FOXP1: variants seen among roughly 807,000 people sequenced by gnomAD.
FOXP1 encodes the protein forkhead box P1.
Under a neutral mutation model 98.2 loss-of-function variants are expected in FOXP1, and 15 were observed. The observed-to-expected ratio is 0.15, with a 90% confidence interval of 0.10 to 0.24. FOXP1 has a LOEUF of 0.24. FOXP1 is among the 10% of genes least tolerant of loss of function. FOXP1 has a pLI of 1.00. For synonymous variants in FOXP1, 371 were observed against 314.5 expected (o/e 1.18, Z -1.90); for missense variants, 633 against 848.5 (o/e 0.75, Z 3.15).
At chr3:71,536,800 T>A (rs1282530876) in intron 2 of FOXP1, among the ~76,000 whole-genome samples, 3 of 152,088 alleles carry the variant, frequency 2.0e-5, no homozygotes, top group South Asian at 2.1e-4. Flanking sequence ...AAATCCAACA[T>A]GATGATCGTT....
intron 2 of FOXP1, chr3:71,572,266 T>C (rs182077130): frequency 6.6e-6 from 1 of 152,262 alleles, no homozygotes; most frequent in Admixed American, 6.5e-5. Context: ...AATTCCCTGA[T>C]AAATGGTTGA....
chr3:71,192,624 G>T (rs770907089), intron 6 of FOXP1, among the ~76,000 whole-genome samples: 2 of 152,208 alleles, frequency 1.3e-5, no homozygotes, highest in East Asian at 1.9e-4. Flanking sequence ...TGAATGTGAA[G>T]AAAATAATTT....
intron 2 of FOXP1, among the ~76,000 whole-genome samples, chr3:71,536,573 CTTTTTT>C (rs3039465): frequency 1.5e-5 from 2 of 135,012 alleles, no homozygotes; most frequent in East Asian, 2.2e-4. Context: ...AACCATGTCT[CTTTTTT>C]TTTTTTTTTT....
intron 5 of FOXP1, among the ~76,000 whole-genome samples, chr3:71,209,676 G>A (rs575418515): frequency 1.2e-4 from 19 of 152,240 alleles, no homozygotes; most frequent in African/African-American, 3.4e-4. Context: ...AAGAAGAAAC[G>A]TTTAATCTCT....
intron 3 of FOXP1, among the ~76,000 whole-genome samples, chr3:71,362,854 T>A (rs981934587): frequency 2.0e-5 from 3 of 152,242 alleles, no homozygotes. Flanking sequence ...CAAACTTTGA[T>A]CTTTGATTAG....
intron 4 of FOXP1, chr3:71,334,623 T>C (rs917828970): frequency 1.3e-5 from 2 of 152,270 alleles, no homozygotes; most frequent in East Asian, 1.9e-4. Flanking sequence ...AGACTTATTA[T>C]GCCAGAAGAA....
At chr3:71,020,876 G>A (rs908801743) in intron 11 of FOXP1, among the ~76,000 whole-genome samples, 1 of 152,020 alleles carries the variant, frequency 6.6e-6, no homozygotes, top group Non-Finnish European at 1.5e-5. Flanking sequence ...ACGTACATCT[G>A]TGCCCATTAC....
At chr3:71,527,392 G>A (rs1017638553) in intron 2 of FOXP1, among the ~76,000 whole-genome samples, 6 of 152,220 alleles carry the variant, frequency 3.9e-5, no homozygotes, top group African/African-American at 9.7e-5. Context: ...AGACTGGAAG[G>A]GGTCCTGTGA....
At chr3:71,308,642 C>T (rs2074450313) in intron 4 of FOXP1, among the ~76,000 whole-genome samples, 3 of 151,948 alleles carry the variant, frequency 2.0e-5, no homozygotes, top group Middle Eastern at 3.4e-3. Flanking sequence ...AATAAACTGT[C>T]GCCCAAGGAT....
intron 5 of FOXP1, among the ~76,000 whole-genome samples, chr3:71,198,897 C>T (rs1244579308): frequency 2.6e-5 from 4 of 151,820 alleles, no homozygotes; most frequent in Non-Finnish European, 5.9e-5. Context: ...GGTGTTTCAC[C>T]ATGTTGGTTA....
intron 5 of FOXP1, among the ~76,000 whole-genome samples, chr3:71,242,841 C>G (rs1259693218): frequency 6.7e-6 from 1 of 150,232 alleles, no homozygotes; most frequent in East Asian, 1.9e-4. Flanking sequence ...ATTATCTAAA[C>G]AGTGTTCAAA....
chr3:71,439,982 T>A (rs1327508973), intron 3 of FOXP1, among the ~76,000 whole-genome samples: 1 of 148,682 alleles, frequency 6.7e-6, no homozygotes, highest in African/African-American at 2.5e-5. Flanking sequence ...AAGTTCTGAA[T>A]CCTGCTGTAA....
chr3:71,001,454 A>C (rs1204789607), intron 12 of FOXP1, among the ~76,000 whole-genome samples: 2 of 152,202 alleles, frequency 1.3e-5, no homozygotes, highest in Non-Finnish European at 2.9e-5. Context: ...AGGAAAACTG[A>C]CTTCATATAA....
chr3:71,500,933 G>A (rs1458966152), intron 2 of FOXP1, among the ~76,000 whole-genome samples: 7 of 152,252 alleles, frequency 4.6e-5, no homozygotes, highest in East Asian at 1.9e-4. Flanking sequence ...GGCTCACATC[G>A]TTAATTTCAG....
At chr3:71,036,021 AAGTTCCTTGCCTTT>A (rs1242180709) in intron 11 of FOXP1, among the ~76,000 whole-genome samples, 1 of 152,242 alleles carries the variant, frequency 6.6e-6, no homozygotes, top group Non-Finnish European at 1.5e-5. Flanking sequence ...ACATGTTTCA[AAGTTCCTTGCCTTT>A]TGAAAATAAC....
intron 7 of FOXP1, among the ~76,000 whole-genome samples, chr3:71,055,803 A>G (rs1245196157): frequency 1.3e-5 from 2 of 152,226 alleles, no homozygotes; most frequent in Non-Finnish European, 2.9e-5. Context: ...TAAGCAAACA[A>G]AAGAACCATG....
intron 5 of FOXP1, among the ~76,000 whole-genome samples, chr3:71,294,749 C>T (rs17717238): frequency 0.076 from 11,536 of 152,284 alleles, 479 homozygotes; most frequent in Non-Finnish European, 0.1. Context: ...GGTAGAGACA[C>T]TTCCCAGCAG....
chr3:71,475,848 T>G (rs1428212923), intron 3 of FOXP1, among the ~76,000 whole-genome samples: 2 of 108,218 alleles, frequency 1.8e-5, no homozygotes, highest in Non-Finnish European at 3.8e-5. Flanking sequence ...CCTCAAAAAA[T>G]AAAAATAAAA....
At chr3:71,167,421 T>C (rs1240209667) in intron 6 of FOXP1, among the ~76,000 whole-genome samples, 2 of 152,238 alleles carry the variant, frequency 1.3e-5, no homozygotes, top group Non-Finnish European at 2.9e-5. Context: ...CAGGGCAGTA[T>C]TTAAAGCGTA....
Sources: allele counts gnomAD v4.1 joint callset (sites outside exome capture counted in the v4.1 genomes callset), GRCh38; gene constraint gnomAD v4.1.1; transcripts MANE v1.5; gene names NCBI Gene and HGNC (gene_info 2026-07-23, HGNC 2026-07-21).